SAMD12: variants seen among roughly 807,000 people sequenced by gnomAD.
SAMD12 encodes the protein sterile alpha motif domain-containing protein 12.
A neutral mutation model predicts 15.0 loss-of-function variants in SAMD12; 9 were observed. The ratio of observed to expected loss-of-function variants is 0.60; its 90% CI spans 0.36 to 1.05. SAMD12 has a LOEUF of 1.05. Among genes scored for constraint, SAMD12 ranks in the 50% least tolerant of loss-of-function variants. The pLI is 0.01. For synonymous variants in SAMD12, 86 were observed against 90.1 expected (o/e 0.96, Z 0.25); for missense variants, 230 against 234.2 (o/e 0.98, Z 0.12).
At chr8:118,594,507 A>AGC (rs1827669786) in intron 1 of SAMD12, among the ~76,000 whole-genome samples, 1 of 152,230 alleles carries the variant, frequency 6.6e-6, no homozygotes, top group Non-Finnish European at 1.5e-5. Flanking sequence ...AAAATAGGCT[A>AGC]GCCAATAGTT....
At chr8:118,247,029 T>A (rs1812712098) in intron 4 of SAMD12, among the ~76,000 whole-genome samples, 1 of 152,070 alleles carries the variant, frequency 6.6e-6, no homozygotes, top group South Asian at 2.1e-4. Flanking sequence ...GATTTGCATA[T>A]GGCTGAATAT....
At chr8:118,440,771 A>T (rs1822734349) in intron 2 of SAMD12, among the ~76,000 whole-genome samples, 1 of 151,936 alleles carries the variant, frequency 6.6e-6, no homozygotes, top group Admixed American at 6.6e-5. Flanking sequence ...ATGGATTACA[A>T]ATACATTTAT....
intron 4 of SAMD12, among the ~76,000 whole-genome samples, chr8:118,307,331 C>T (rs969259195): frequency 1.3e-5 from 2 of 152,216 alleles, no homozygotes. Flanking sequence ...AATGAAGATT[C>T]ATATCCTTCC....
the SAMD12 span, among the ~76,000 whole-genome samples, chr8:118,165,624 A>ACACATATATATGTATATATG: frequency 6.9e-6 from 1 of 144,104 alleles, no homozygotes; most frequent in Admixed American, 7.0e-5. Flanking sequence ...GTATATATAT[A>ACACATATATATGTATATATG]TATATATATA....
chr8:118,160,356 C>T, the SAMD12 span, among the ~76,000 whole-genome samples: 1 of 152,106 alleles, frequency 6.6e-6, no homozygotes, highest in South Asian at 2.1e-4. Context: ...ATCCATAAGA[C>T]TTGTAGGGAA....
intron 2 of SAMD12, among the ~76,000 whole-genome samples, chr8:118,463,836 A>G (rs1321702471): frequency 2.0e-5 from 3 of 152,080 alleles, no homozygotes; most frequent in African/African-American, 7.2e-5. Flanking sequence ...CAGGCAGGTC[A>G]TCATACTCAA....
intron 2 of SAMD12, among the ~76,000 whole-genome samples, chr8:118,555,590 G>C (rs1293762330): frequency 2.0e-5 from 3 of 152,218 alleles, no homozygotes; most frequent in African/African-American, 7.2e-5. Context: ...GAATTCTATA[G>C]CCCATAGTGA....
At chr8:118,507,348 A>T (rs1824949342) in intron 2 of SAMD12, among the ~76,000 whole-genome samples, 1 of 152,092 alleles carries the variant, frequency 6.6e-6, no homozygotes, top group South Asian at 2.1e-4. Context: ...ACCTGTATAT[A>T]TGTCCCATAT....
At chr8:118,183,860 A>C in the SAMD12 span, among the ~76,000 whole-genome samples, 1 of 151,972 alleles carries the variant, frequency 6.6e-6, no homozygotes, top group Non-Finnish European at 1.5e-5. Context: ...TCAAGTGTCC[A>C]TTATACCACT....
At chr8:118,268,463 T>A (rs1813260756) in intron 4 of SAMD12, among the ~76,000 whole-genome samples, 1 of 152,162 alleles carries the variant, frequency 6.6e-6, no homozygotes, top group Non-Finnish European at 1.5e-5. Flanking sequence ...TTTTAAATAC[T>A]TATCACCAAC....
At chr8:118,504,020 T>TAATA (rs1824856823) in intron 2 of SAMD12, among the ~76,000 whole-genome samples, 1 of 152,208 alleles carries the variant, frequency 6.6e-6, no homozygotes, top group Non-Finnish European at 1.5e-5. Flanking sequence ...TAATAGCCTG[T>TAATA]GTCACATGAC....
chr8:118,176,178 G>A, the SAMD12 span, among the ~76,000 whole-genome samples: 3 of 152,290 alleles, frequency 2.0e-5, no homozygotes, highest in Middle Eastern at 3.4e-3. Flanking sequence ...GCATGCGCCT[G>A]TAGTCCCAGC....
chr8:118,352,938 A>C (rs1818030689), intron 4 of SAMD12, among the ~76,000 whole-genome samples: 1 of 152,142 alleles, frequency 6.6e-6, no homozygotes. Flanking sequence ...CAACAGAAAC[A>C]TTGTTCCAGA....
At chr8:118,563,462 T>A (rs1313645343) in intron 2 of SAMD12, among the ~76,000 whole-genome samples, 2 of 152,180 alleles carry the variant, frequency 1.3e-5, no homozygotes, top group Non-Finnish European at 2.9e-5. Context: ...TAAAGAGGAC[T>A]CCAGGAGGAA....
At chr8:118,584,060 T>C (rs1276887468) in intron 1 of SAMD12, among the ~76,000 whole-genome samples, 1 of 152,222 alleles carries the variant, frequency 6.6e-6, no homozygotes, top group Non-Finnish European at 1.5e-5. Flanking sequence ...TCTCTGCTAG[T>C]AAATACTTGG....
At chr8:118,224,315 AG>A (rs1812141116) in intron 4 of SAMD12, among the ~76,000 whole-genome samples, 1 of 152,222 alleles carries the variant, frequency 6.6e-6, no homozygotes, top group Non-Finnish European at 1.5e-5. Context: ...AGTTCAATGA[AG>A]TAAGGAAAGA....
intron 3 of SAMD12, among the ~76,000 whole-genome samples, chr8:118,419,752 T>C (rs1821909152): frequency 6.6e-6 from 1 of 152,174 alleles, no homozygotes; most frequent in African/African-American, 2.4e-5. Context: ...GTTAAGATCC[T>C]TATGGAATAA....
intron 1 of SAMD12, among the ~76,000 whole-genome samples, chr8:118,617,928 T>G (rs983452152): frequency 3.3e-5 from 5 of 152,128 alleles, no homozygotes; most frequent in African/African-American, 1.2e-4. Context: ...CTATACACAG[T>G]CTGTCCATAG....
chr8:118,417,536 T>C (rs1460696139), intron 3 of SAMD12, among the ~76,000 whole-genome samples: 1 of 151,774 alleles, frequency 6.6e-6, no homozygotes, highest in African/African-American at 2.4e-5. Context: ...GAACAATTAG[T>C]AGGTAATGAA....
Sources: allele counts gnomAD v4.1 joint callset (sites outside exome capture counted in the v4.1 genomes callset), GRCh38; gene constraint gnomAD v4.1.1; transcripts MANE v1.5; gene names NCBI Gene and HGNC (gene_info 2026-07-23, HGNC 2026-07-21).